The following NT5C1B variants were observed in gnomAD, a reference collection of about 807,000 sequenced individuals.
NT5C1B encodes cytosolic 5'-nucleotidase 1B.
Under a neutral mutation model 57.8 loss-of-function variants are expected in NT5C1B, and 44 were observed. The observed-to-expected ratio is 0.76, with a 90% CI of 0.60 to 0.98. The LOEUF (loss-of-function observed/expected upper bound fraction) is 0.98, where lower values mean the gene tolerates loss of function less well. Among genes scored for constraint, NT5C1B ranks in the 50% least tolerant of loss-of-function variants. NT5C1B has a pLI of 0.00. For synonymous variants in NT5C1B, 284 were observed against 282.6 expected, an observed-to-expected ratio of 1.00 and a Z score of -0.05; for missense variants, 742 against 719.5, an observed-to-expected ratio of 1.03 and a Z score of -0.36.
intron 6 of NT5C1B, among the ~76,000 whole-genome samples, chr2:18,582,173 A>AT (rs935883268): frequency 1.3e-5 from 2 of 152,248 alleles, no homozygotes; most frequent in African/African-American, 4.8e-5. Flanking sequence ...ATGTGCTTCA[A>AT]TGATTCCAGC....
chr2:18,564,240 G>A, intron 8 of NT5C1B, 121 bp from the exon 9 acceptor site: 14 of 1,130,440 alleles, frequency 1.2e-5, no homozygotes, highest in South Asian at 3.2e-5. Context: ...GACATGCAGT[G>A]TTATGAAGCT....
chr2:18,584,267 G>A lies in NT5C1B; in HGVS notation c.724-12C>T, dbSNP rs763105977. On this transcript the variant is annotated splice_polypyrimidine_tract_variant and intron_variant, in intron 4 of 8. Transcript: ENST00000304081. This position sits in a 1 kb window ranked among gnomAD's most constrained non-coding sequence, Gnocchi z 5.8. The stretch of plus-strand genomic sequence containing the variant: ...TTCTTGGGTTTGGGCTGCAGAGAGG[G>A]ACGCCAAAGGGAGGATAGTCACATA... The A allele has an allele frequency of 9.3e-6, 15 of 1,611,456 alleles. No homozygotes were observed. The African/African-American group carries it at 1.2e-4, about 13-fold the overall frequency.
rs112289290 is a variant in NT5C1B, at chr2:18,586,417, G to A, written c.121-26C>T. ...CTGTGATGGAAAGAAGAAACCCAACGGTGTAAAACCCCATCACCAACTCCT... is the reference window on the plus strand; with the variant it reads ...CTGTGATGGAAAGAAGAAACCCAACAGTGTAAAACCCCATCACCAACTCCT... On this transcript the variant is annotated intron_variant, in intron 2 of 8. Transcript: ENST00000304081. 5.5e-5 allele frequency: 89 copies of A among 1,612,638 alleles called. No individual in the cohort carries two copies. The African/African-American group carries it at 8.3e-4, about 15-fold the overall frequency.
chr2:18,586,261 C>T, exon 3 of NT5C1B: 1 of 1,614,068 alleles, frequency 6.2e-7, no homozygotes, highest in Non-Finnish European at 8.5e-7. Context: ...TACCTTAGCA[C>T]TGGTGTTCCT....
chr2:18,586,051 G>A (rs942004230), intron 3 of NT5C1B, among the ~76,000 whole-genome samples: 2 of 152,148 alleles, frequency 1.3e-5, no homozygotes, highest in Admixed American at 1.3e-4. Context: ...TTATTAATGT[G>A]AAACCTTAAA....
rs1040757408 is a variant in NT5C1B, at chr2:18,584,987, A to G, written c.259-9T>C. 4.5e-6 allele frequency: 7 copies of G among 1,560,142 alleles called. No homozygotes were observed. The African/African-American group carries it at 6.8e-5, about 15-fold the overall frequency. The stretch of plus-strand genomic sequence containing the variant: ...GTGGAGCTGCTGGGGAGCTGCAGCA[A>G]GACAATGGGCGTCTGAAGTCGAGGC... On this transcript the variant is annotated splice_polypyrimidine_tract_variant and intron_variant, in intron 3 of 8. Transcript: ENST00000304081. This position sits in a 1 kb window ranked among gnomAD's most constrained non-coding sequence, Gnocchi z 5.8.
At chr2:18,563,724 T>G in exon 9 of NT5C1B, 1 of 1,393,912 alleles carries the variant, frequency 7.2e-7, no homozygotes, top group Non-Finnish European at 9.4e-7. Context: ...ACCTATCTAA[T>G]TATCCTAGAG....
rs755069913 is a variant in NT5C1B at position 18,584,804 on chromosome 2, GC to G, written c.432del (p.Arg145AlafsTer82). On this transcript the variant is annotated frameshift_variant, in exon 4 of 9. Coordinates refer to ENST00000304081, the Ensembl canonical transcript of NT5C1B. LOFTEE classifies it high-confidence loss of function. The surrounding 1 kb of genome is among the most constrained non-coding windows in gnomAD (Gnocchi z 5.8). ...GGATTCTCTTGCATTTTGGTGCTGC[GC>G]CGGGAGCCAGGATCGGGCTCTGGGG... The G allele has an allele frequency of 3.7e-5, 59 of 1,612,994 alleles. No individual in the cohort carries two copies. The African/African-American group carries it at 6.7e-4, about 18-fold the overall frequency.
At chr2:18,570,640 G>A (rs1305033520) in intron 8 of NT5C1B, among the ~76,000 whole-genome samples, 2 of 152,054 alleles carry the variant, frequency 1.3e-5, no homozygotes, top group Non-Finnish European at 2.9e-5. Context: ...GACTCAGATG[G>A]CGTCTCTGAA....
chr2:18,587,052 CGT>C (rs1666777976), intron 2 of NT5C1B: 1 of 1,614,048 alleles, frequency 6.2e-7, no homozygotes, highest in Non-Finnish European at 8.5e-7. Flanking sequence ...AATATAAATA[CGT>C]ATTGTGTGGC....
chr2:18,583,071 T>C, intron 5 of NT5C1B, 74 bp from the exon 6 acceptor site: 1 of 1,537,862 alleles, frequency 6.5e-7, no homozygotes, highest in South Asian at 1.3e-5. Flanking sequence ...AGAGGAAGCA[T>C]CTCATCAGAG....
chr2:18,568,265 T>C (rs1018302445), intron 8 of NT5C1B, among the ~76,000 whole-genome samples: 3 of 152,062 alleles, frequency 2.0e-5, no homozygotes, highest in Non-Finnish European at 4.4e-5. Flanking sequence ...GAGAAGACAA[T>C]GGAAGAGCAT....
At chr2:18,573,778 CT>C (rs1665422515) in intron 8 of NT5C1B, among the ~76,000 whole-genome samples, 1 of 152,098 alleles carries the variant, frequency 6.6e-6, no homozygotes, top group South Asian at 2.1e-4. Flanking sequence ...CCAGCAAGGC[CT>C]TCTGGCCTTT....
At chr2:18,587,071 C>G in intron 2 of NT5C1B, 1 of 1,614,214 alleles carries the variant, frequency 6.2e-7, no homozygotes, top group Non-Finnish European at 8.5e-7. Context: ...TGGCAGGGGC[C>G]AAGGGCTGTT....
At chr2:18,579,426 C>T (rs182306436) in intron 6 of NT5C1B, among the ~76,000 whole-genome samples, 35 of 152,140 alleles carry the variant, frequency 2.3e-4, no homozygotes, top group African/African-American at 4.8e-4. Flanking sequence ...AGCATGGTGC[C>T]GGTATAAAAA....
rs1666491881 is a variant in NT5C1B at position 18,584,495 on chromosome 2, G to A, written c.723+19C>T. ...CAAGGAAGGGCGCCCCGGCTGCCAG[G>A]GGCGGCGGGCTGGCTCACCGGCCAG... On this transcript the variant is annotated intron_variant, in intron 4 of 8. Transcript: ENST00000304081. The surrounding 1 kb of genome is among the most constrained non-coding windows in gnomAD (Gnocchi z 5.8). The A allele has an allele frequency of 6.2e-7, 1 of 1,601,126 alleles. No individual in the cohort carries two copies. Among genetic ancestry groups the A allele is most frequent in the Non-Finnish European group, 8.5e-7 (1 of 1,174,772 alleles).
rs376326986 is a variant in NT5C1B, at chr2:18,584,178, G to C, written c.801C>G (p.Tyr267Ter). ...TGTACTTTTCCAGACCCTCTTGCTC[G>C]TAGATTTTCCTGCCGTCCACCATGT... is the stretch of plus-strand genomic sequence containing the variant. Residue 267 changes from tyrosine to a stop codon, truncating the protein, a stop_gained, in exon 5 of 9, where the codon TAC (tyrosine) becomes TAG (stop). Transcript: ENST00000304081. LOFTEE classifies it high-confidence loss of function. The surrounding 1 kb of genome is among the most constrained non-coding windows in gnomAD (Gnocchi z 5.8). The C allele has an allele frequency of 1.1e-5, 18 of 1,614,038 alleles. 1 individual carries two copies. Among genetic ancestry groups the C allele is most frequent in the Non-Finnish European group, 1.5e-5 (18 of 1,180,044 alleles).
At chr2:18,566,442 C>T (rs543006263) in intron 8 of NT5C1B, among the ~76,000 whole-genome samples, 12 of 152,214 alleles carry the variant, frequency 7.9e-5, no homozygotes, top group Middle Eastern at 3.4e-3. Flanking sequence ...TGCTTTCTCA[C>T]GGTAAGAGGC....
At chr2:18,587,036 C>T in intron 2 of NT5C1B, 1 of 1,614,250 alleles carries the variant, frequency 6.2e-7, no homozygotes, top group Non-Finnish European at 8.5e-7. Context: ...ACAACAGGCA[C>T]ATGTGAATAT....
Sources: gnomAD v4.1 joint callset for allele counts (sites outside exome capture counted in the v4.1 genomes callset) on GRCh38, gnomAD v4.1.1 for gene constraint, Gnocchi (gnomAD v3.1) non-coding constraint, MANE v1.5 for transcripts, NCBI Gene and HGNC (gene_info 2026-07-23, HGNC 2026-07-21) for gene names.